TNS1: variants seen among roughly 807,000 people sequenced by gnomAD.
TNS1 encodes tensin-1.
Under a neutral mutation model 168.6 loss-of-function variants are expected in TNS1, and 62 were observed. That is an observed-to-expected ratio of 0.37 (90% CI 0.30 to 0.45). TNS1 has a LOEUF of 0.45. TNS1 is among the 20% of genes least tolerant of loss of function. The pLI, the probability that TNS1 is intolerant of heterozygous loss-of-function variation, is 1.00. For synonymous variants in TNS1, 934 were observed against 933.2 expected (o/e 1.00, Z -0.02); for missense variants, 2,240 against 2,339.4 (o/e 0.96, Z 0.88).
At chr2:217,940,968 C>T (rs1378548994) in intron 3 of TNS1, among the ~76,000 whole-genome samples, 2 of 152,136 alleles carry the variant, frequency 1.3e-5, no homozygotes, top group Non-Finnish European at 2.9e-5. Context: ...ACTGCTCCTC[C>T]CCCACTCACC....
chr2:217,950,623 C>G (rs944121710), intron 3 of TNS1, among the ~76,000 whole-genome samples: 1 of 149,898 alleles, frequency 6.7e-6, no homozygotes, highest in East Asian at 1.9e-4. Flanking sequence ...TAGGCCTCCC[C>G]TCCTGCCACC....
chr2:217,833,122 G>C (rs2125302373), intron 21 of TNS1, among the ~76,000 whole-genome samples: 1 of 152,328 alleles, frequency 6.6e-6, no homozygotes, highest in South Asian at 2.1e-4. Context: ...GGTCATTCAT[G>C]GAATAACCAC....
chr2:217,935,559 C>A (rs1956560971), intron 3 of TNS1, among the ~76,000 whole-genome samples: 1 of 152,312 alleles, frequency 6.6e-6, no homozygotes, highest in African/African-American at 2.4e-5. Flanking sequence ...GAGGCAGCCA[C>A]ATGTGTGGTG....
intron 9 of TNS1, among the ~76,000 whole-genome samples, chr2:217,894,113 C>A (rs1279996560): frequency 1.3e-5 from 2 of 152,222 alleles, no homozygotes; most frequent in African/African-American, 2.4e-5. Flanking sequence ...ACACAAAGGG[C>A]AGACCTGAAC....
At chr2:217,872,054 C>G (rs529153330) in intron 18 of TNS1, among the ~76,000 whole-genome samples, 1 of 152,256 alleles carries the variant, frequency 6.6e-6, no homozygotes, top group Non-Finnish European at 1.5e-5. Flanking sequence ...CAGAAGACTT[C>G]GTTGGACGAA....
At chr2:218,017,705 G>A (rs1315849183) in intron 1 of TNS1, among the ~76,000 whole-genome samples, 1 of 152,236 alleles carries the variant, frequency 6.6e-6, no homozygotes, top group Non-Finnish European at 1.5e-5. Context: ...GTAAAATGGA[G>A]ACTAGGTTCC....
At chr2:217,930,316 A>T (rs1559369318) in intron 3 of TNS1, among the ~76,000 whole-genome samples, 1 of 152,252 alleles carries the variant, frequency 6.6e-6, no homozygotes, top group Non-Finnish European at 1.5e-5. Flanking sequence ...TCTGCCCAGG[A>T]CCACACCACC....
At chr2:217,905,545 C>T in intron 6 of TNS1, 1 of 289,604 alleles carries the variant, frequency 3.5e-6, no homozygotes, top group South Asian at 2.7e-5. Context: ...ATGATAGGGC[C>T]TCGTGCCATC....
rs774513166 is a variant in TNS1 at position 217,847,624 on chromosome 2, G to A, written c.2893C>T (p.Pro965Ser). 2.5e-6 allele frequency: 4 copies of A among 1,579,214 alleles called. No individual in the cohort carries two copies. The South Asian group carries it at 4.6e-5, about 18-fold the overall frequency. Residue 965 changes from proline (P) to serine (S), a missense_variant, in exon 19 of 33, where the codon CCT becomes TCT. Physicochemically the swap from Pro to Ser is moderately conservative, Grantham distance 74. Around this residue, in one of 2 missense-constraint regions of TNS1, gnomAD observed 2,131 missense variants for 2,171.2 expected, o/e 0.98. Coordinates refer to ENST00000682258, the MANE Select transcript of TNS1 (RefSeq NM_001387777.1). ...AGCAGAGGCTGAGCAGTGAGGCCAGGGAGAGAGGCTGGGGGTTGCTGAGGC... is the reference window on the plus strand; with the variant it reads ...AGCAGAGGCTGAGCAGTGAGGCCAGAGAGAGAGGCTGGGGGTTGCTGAGGC... ...PGPQQPPASL[P>S]GLTAQPLLSP...
upstream of TNS1, among the ~76,000 whole-genome samples, chr2:218,003,633 T>A (rs947761725): frequency 6.6e-6 from 1 of 152,124 alleles, no homozygotes; most frequent in Non-Finnish European, 1.5e-5. Context: ...TTCTTTTTTT[T>A]TCCCCCTTCT....
intron 21 of TNS1, among the ~76,000 whole-genome samples, chr2:217,833,581 A>C (rs1390964329): frequency 6.6e-6 from 1 of 152,254 alleles, no homozygotes; most frequent in Non-Finnish European, 1.5e-5. Context: ...GCTAACAGTG[A>C]ATGGAAGCAG....
At chr2:217,828,051 C>T (rs191021118) in intron 22 of TNS1, among the ~76,000 whole-genome samples, 1 of 152,244 alleles carries the variant, frequency 6.6e-6, no homozygotes, top group Non-Finnish European at 1.5e-5. Context: ...GAAACGTTGG[C>T]TCTGAGCTCC....
rs1420395068 is a variant in TNS1 at position 217,835,113 on chromosome 2, C to T, written c.3258G>A (p.Pro1086=). 3.1e-6 allele frequency: 5 copies of T among 1,588,142 alleles called. No homozygotes were observed. Among genetic ancestry groups the T allele is most frequent in the East Asian group, 2.3e-5 (1 of 42,920 alleles). ...TACCCCCACTGGGTGGTGGGCTGCT[C>T]GGGGAGGTTCCCTCCATCTCCTCGA... ...EAFEEMEGTS[P]SSPPPSGVRS... is the part of the protein sequence containing the mutation. The change falls in exon 21 of 33, where the codon CCG becomes CCA. Residue 1086 remains proline (P), a synonymous_variant. Transcript: ENST00000682258.
Position 217,880,685 on chromosome 2 carries a change from C to T in TNS1, c.1429+213G>A, listed in dbSNP as rs1049802168. Among the ~76,000 whole-genome samples, 1 of 152,176 alleles carries T rather than the reference C, an allele frequency of 6.6e-6. No individual in the cohort carries two copies. The highest frequency in any genetic ancestry group is 2.4e-5 in the African/African-American group (1 of 41,442). Reference sequence around the variant, plus strand: ...TAACCCCCTTGTGGCCATTTTGCTGCCTTCTTTGGCTCTGTCCTCACTTTT... The same window carrying T: ...TAACCCCCTTGTGGCCATTTTGCTGTCTTCTTTGGCTCTGTCCTCACTTTT... On this transcript the variant is annotated intron_variant, in intron 18 of 32. Transcript: ENST00000682258. The surrounding 1 kb of genome is among the most constrained non-coding windows in gnomAD (Gnocchi z 4.2).
At chr2:217,969,095 G>T (rs928695748) in intron 3 of TNS1, among the ~76,000 whole-genome samples, 1 of 152,126 alleles carries the variant, frequency 6.6e-6, no homozygotes, top group Admixed American at 6.5e-5. Context: ...GAAATTGACA[G>T]GCTGATCCTA....
chr2:217,946,357 T>C (rs148736941), intron 3 of TNS1, among the ~76,000 whole-genome samples: 118 of 152,338 alleles, frequency 7.7e-4, no homozygotes, highest in African/African-American at 2.7e-3. Flanking sequence ...ATTTGTTCAT[T>C]GTCTCCCTTC....
chr2:217,947,881 G>A (rs545269827), intron 3 of TNS1, among the ~76,000 whole-genome samples: 3 of 152,126 alleles, frequency 2.0e-5, no homozygotes, highest in South Asian at 2.1e-4. Flanking sequence ...CCTGCCCCGC[G>A]CCAAGCTTTT....
chr2:217,818,883 G>A, intron 23 of TNS1, 124 bp from the exon 24 acceptor site: 1 of 751,878 alleles, frequency 1.3e-6, no homozygotes, highest in South Asian at 1.8e-5. Context: ...TGGCAGTGCG[G>A]AAGGACATCA....
chr2:217,850,814 A>G (rs1047471514), intron 18 of TNS1, among the ~76,000 whole-genome samples: 1 of 152,172 alleles, frequency 6.6e-6, no homozygotes, highest in African/African-American at 2.4e-5. Context: ...ACACAATGCC[A>G]AGAACCACAG....
Sources: gnomAD v4.1 joint callset for allele counts (sites outside exome capture counted in the v4.1 genomes callset) on GRCh38, gnomAD v4.1.1 for gene constraint, gnomAD v4.1.1 regional missense constraint, Gnocchi (gnomAD v3.1) non-coding constraint, MANE v1.5 for transcripts, NCBI Gene and HGNC (gene_info 2026-07-23, HGNC 2026-07-21) for gene names.